The following FERMT2 variants were observed in gnomAD, a reference collection of about 807,000 sequenced individuals.
The protein encoded by FERMT2 is FERM domain containing kindlin 2.
A neutral mutation model predicts 82.7 loss-of-function variants in FERMT2; 15 were observed. The observed-to-expected ratio is 0.18, with a 90% CI of 0.12 to 0.28. The LOEUF is 0.28. FERMT2 is among the 10% of genes least tolerant of loss of function. The pLI, the probability that FERMT2 is intolerant of heterozygous loss-of-function variation, is 1.00. For synonymous variants in FERMT2, 274 were observed against 271.5 expected, an observed-to-expected ratio of 1.01 and a Z score of -0.09; for missense variants, 645 against 809.4, an observed-to-expected ratio of 0.80 and a Z score of 2.46.
chr14:52,860,499 A>G, intron 12 of FERMT2, 34 bp from the exon 13 acceptor site: 1 of 1,584,144 alleles, frequency 6.3e-7, no homozygotes, highest in East Asian at 2.3e-5. Context: ...TTACCATTGA[A>G]CATTATTCTC....
intron 7 of FERMT2, among the ~76,000 whole-genome samples, chr14:52,876,215 A>G (rs1194500381): frequency 6.6e-6 from 1 of 152,158 alleles, no homozygotes; most frequent in Non-Finnish European, 1.5e-5. Context: ...CCACTTACCA[A>G]TGTTCTGTGT....
At chr14:52,875,489 C>T (rs182221320) in intron 7 of FERMT2, 132 bp from the exon 8 acceptor site, 133 of 600,068 alleles carry the variant, frequency 2.2e-4, no homozygotes, top group African/African-American at 2.1e-3. Flanking sequence ...GGAACTAGAA[C>T]GATAGGAAAT....
chr14:52,873,044 A>G, intron 9 of FERMT2, 121 bp from the exon 10 acceptor site: 2 of 927,094 alleles, frequency 2.2e-6, no homozygotes, highest in African/African-American at 1.6e-5. Context: ...GCTGAAATTG[A>G]TCCCCCTTGG....
At chr14:52,897,004 ACACAC>A (rs1887307623) in intron 3 of FERMT2, among the ~76,000 whole-genome samples, 1 of 3,210 alleles carries the variant, frequency 3.1e-4, no homozygotes, top group Non-Finnish European at 8.5e-3. Flanking sequence ...AATAAAACAC[ACACAC>A]ACACACACAC....
intron 3 of FERMT2, among the ~76,000 whole-genome samples, chr14:52,899,969 T>A (rs1473169935): frequency 6.6e-6 from 1 of 152,238 alleles, no homozygotes; most frequent in Non-Finnish European, 1.5e-5. Context: ...ATGAAAACTT[T>A]AAAATAGCCA....
At chr14:52,917,917 C>A (rs1231375919) in intron 3 of FERMT2, among the ~76,000 whole-genome samples, 1 of 152,206 alleles carries the variant, frequency 6.6e-6, no homozygotes, top group Non-Finnish European at 1.5e-5. Flanking sequence ...GTGCTTGAGG[C>A]ATTGTACAGG....
chr14:52,884,648 C>T (rs1886483234), intron 4 of FERMT2, among the ~76,000 whole-genome samples: 1 of 151,972 alleles, frequency 6.6e-6, no homozygotes, highest in African/African-American at 2.4e-5. Context: ...TGTAGGGCTA[C>T]ACACTGCCTC....
chr14:52,947,580 A>C (rs1890419178), intron 2 of FERMT2, among the ~76,000 whole-genome samples: 1 of 152,252 alleles, frequency 6.6e-6, no homozygotes, highest in Non-Finnish European at 1.5e-5. Flanking sequence ...CCTTAAGCAA[A>C]GTGTACACGT....
intron 3 of FERMT2, among the ~76,000 whole-genome samples, chr14:52,896,753 G>A (rs1480310168): frequency 6.6e-6 from 1 of 151,982 alleles, no homozygotes; most frequent in Non-Finnish European, 1.5e-5. Flanking sequence ...ACTTTGGGAG[G>A]CCAAAGTGGG....
chr14:52,936,097 G>C (rs1254514155), intron 2 of FERMT2, among the ~76,000 whole-genome samples: 1 of 152,110 alleles, frequency 6.6e-6, no homozygotes, highest in Admixed American at 6.6e-5. Flanking sequence ...GCAATGAAAA[G>C]GTCTGACAAA....
intron 14 of FERMT2, 162 bp from the exon 15 acceptor site, chr14:52,858,712 AAAG>A: frequency 1.7e-6 from 1 of 591,836 alleles, no homozygotes; most frequent in East Asian, 2.8e-5. Flanking sequence ...TTTAAGTCCC[AAAG>A]AAGAAGCTAA....
intron 2 of FERMT2, among the ~76,000 whole-genome samples, chr14:52,920,834 C>T (rs1357430849): frequency 6.6e-6 from 1 of 152,030 alleles, no homozygotes. Context: ...GTCCCTGCTA[C>T]TCAGGTGGCT....
intron 12 of FERMT2, among the ~76,000 whole-genome samples, chr14:52,864,002 A>T (rs10144517): frequency 1.3e-5 from 2 of 148,870 alleles, no homozygotes; most frequent in African/African-American, 4.9e-5. Context: ...AATGATAAAG[A>T]TTTTTTTTTT....
chr14:52,917,820 A>C (rs1286344804), intron 3 of FERMT2, among the ~76,000 whole-genome samples: 1 of 152,222 alleles, frequency 6.6e-6, no homozygotes, highest in African/African-American at 2.4e-5. Flanking sequence ...GACTCCTCCA[A>C]GCTCCAAGCC....
At chr14:52,859,520 AC>A in intron 14 of FERMT2, 52 bp downstream of exon 14, 1 of 1,440,034 alleles carries the variant, frequency 6.9e-7, no homozygotes, top group Non-Finnish European at 9.2e-7. Context: ...TTCTTAATGT[AC>A]TAATTTGTAT....
chr14:52,865,332 C>A (rs1885206703), intron 10 of FERMT2, among the ~76,000 whole-genome samples: 4 of 152,108 alleles, frequency 2.6e-5, no homozygotes, highest in Admixed American at 2.6e-4. Flanking sequence ...CAGAATTTCA[C>A]TTTGTAGGAG....
intron 3 of FERMT2, among the ~76,000 whole-genome samples, chr14:52,894,616 A>G (rs1887147313): frequency 6.6e-6 from 1 of 152,206 alleles, no homozygotes; most frequent in Non-Finnish European, 1.5e-5. Context: ...ACAGACCTAC[A>G]TATGGGTGAT....
chr14:52,904,427 G>T (rs1887864204), intron 3 of FERMT2, among the ~76,000 whole-genome samples: 1 of 152,182 alleles, frequency 6.6e-6, no homozygotes, highest in South Asian at 2.1e-4. Flanking sequence ...TGAGACAGGA[G>T]AATTGCTTGA....
At chr14:52,875,896 C>G (rs529285070) in intron 7 of FERMT2, among the ~76,000 whole-genome samples, 1 of 152,120 alleles carries the variant, frequency 6.6e-6, no homozygotes, top group Non-Finnish European at 1.5e-5. Flanking sequence ...AATGTTTGTA[C>G]GTGAGTACGC....
Sources: allele counts gnomAD v4.1 joint callset (sites outside exome capture counted in the v4.1 genomes callset), GRCh38; gene constraint gnomAD v4.1.1; transcripts MANE v1.5; gene names NCBI Gene and HGNC (gene_info 2026-07-23, HGNC 2026-07-21).